Variants in GRIN2A observed in about 807,000 individuals in gnomAD.
The protein encoded by GRIN2A is glutamate receptor ionotropic, NMDA 2A.
A neutral mutation model predicts 113.4 loss-of-function variants in GRIN2A; 22 were observed. The ratio of observed to expected loss-of-function variants is 0.19; its 90% CI spans 0.14 to 0.28. The LOEUF is 0.28. Ranked by LOEUF, GRIN2A falls within the 10% of genes least tolerant of loss-of-function variation. The pLI is 1.00. For synonymous variants in GRIN2A, 827 were observed against 738.4 expected (o/e 1.12, Z -1.94); for missense variants, 1,502 against 1,887.0 (o/e 0.80, Z 3.78).
intron 4 of GRIN2A, among the ~76,000 whole-genome samples, chr16:9,867,811 C>T (rs776470921): frequency 5.7e-4 from 87 of 152,126 alleles, no homozygotes; most frequent in Non-Finnish European, 3.7e-4. Context: ...CTCTTGCCCC[C>T]AGAACATCCA....
At chr16:10,143,443 A>G (rs1352563789) in intron 2 of GRIN2A, among the ~76,000 whole-genome samples, 1 of 152,214 alleles carries the variant, frequency 6.6e-6, no homozygotes, top group East Asian at 1.9e-4. Context: ...ATTGCTTGAA[A>G]TGAAGCTTAA....
chr16:9,993,550 C>T (rs1408240254), intron 2 of GRIN2A, among the ~76,000 whole-genome samples: 2 of 152,192 alleles, frequency 1.3e-5, no homozygotes, highest in East Asian at 1.9e-4. Context: ...GAAGTGAGAA[C>T]CCATCACTAA....
At chr16:9,942,607 G>A (rs544330604) in intron 2 of GRIN2A, among the ~76,000 whole-genome samples, 2 of 152,156 alleles carry the variant, frequency 1.3e-5, no homozygotes, top group East Asian at 3.9e-4. Flanking sequence ...AGAAACCTAA[G>A]AGGGTCCTCA....
At chr16:10,080,949 C>T (rs1392068349) in intron 2 of GRIN2A, among the ~76,000 whole-genome samples, 2 of 152,162 alleles carry the variant, frequency 1.3e-5, no homozygotes, top group Non-Finnish European at 2.9e-5. Context: ...TCTTCGCCTC[C>T]CTGTTAGACT....
chr16:9,961,210 C>A (rs1444163285), intron 2 of GRIN2A, among the ~76,000 whole-genome samples: 2 of 152,112 alleles, frequency 1.3e-5, no homozygotes, highest in African/African-American at 4.8e-5. Context: ...AAGCTGTGGT[C>A]CCGGAGGAAG....
At chr16:10,109,014 T>TAA (rs56946708) in intron 2 of GRIN2A, among the ~76,000 whole-genome samples, 195 of 114,020 alleles carry the variant, frequency 1.7e-3, no homozygotes, top group African/African-American at 7.5e-3. Flanking sequence ...TGATTCTCTT[T>TAA]AAAAAAAAAA....
intron 3 of GRIN2A, among the ~76,000 whole-genome samples, chr16:9,906,000 T>C (rs1361176525): frequency 1.3e-5 from 2 of 152,324 alleles, no homozygotes; most frequent in East Asian, 3.9e-4. Context: ...TCTCCTTCAT[T>C]ACCTTTTAAT....
intron 4 of GRIN2A, among the ~76,000 whole-genome samples, chr16:9,888,245 G>A (rs1476981586): frequency 6.6e-6 from 1 of 152,110 alleles, no homozygotes; most frequent in South Asian, 2.1e-4. Context: ...AAGAGGGCTG[G>A]GCACAGTGGC....
At chr16:10,103,547 G>A (rs2048439718) in intron 2 of GRIN2A, among the ~76,000 whole-genome samples, 1 of 152,080 alleles carries the variant, frequency 6.6e-6, no homozygotes, top group Admixed American at 6.6e-5. Flanking sequence ...GAGTGTTTTG[G>A]GGGTACAGGG....
At chr16:10,017,799 A>G (rs2046638692) in intron 2 of GRIN2A, among the ~76,000 whole-genome samples, 1 of 150,744 alleles carries the variant, frequency 6.6e-6, no homozygotes, top group South Asian at 2.1e-4. Context: ...TGATATTTTT[A>G]CAAATAAAAA....
intron 2 of GRIN2A, among the ~76,000 whole-genome samples, chr16:10,123,282 T>C (rs754970246): frequency 2.0e-5 from 3 of 152,216 alleles, no homozygotes; most frequent in Non-Finnish European, 2.9e-5. Flanking sequence ...CGGGGCTCCC[T>C]GCGTACTTAG....
chr16:9,925,637 G>A (rs2044449642), intron 3 of GRIN2A, among the ~76,000 whole-genome samples: 1 of 152,068 alleles, frequency 6.6e-6, no homozygotes, highest in Admixed American at 6.5e-5. Flanking sequence ...AATAAAATGT[G>A]GTAAACTCAC....
chr16:9,754,359 A>G lies in GRIN2A; in HGVS notation c.*8790T>C. 9.6e-6 allele frequency: 2 copies of G among 208,596 alleles called. No homozygotes were observed. Among genetic ancestry groups the G allele is most frequent in the East Asian group, 7.3e-5 (1 of 13,776 alleles). The allele number at this position is 208,596 out of a possible 1,614,324, so 12.9% of individuals were successfully genotyped here. Reference sequence around the variant, plus strand: ...GAAGGCATCTGAGCCACATCTAACTATGTCACTGCTGTGTCAAGCAGTTTT... The same window carrying G: ...GAAGGCATCTGAGCCACATCTAACTGTGTCACTGCTGTGTCAAGCAGTTTT... On this transcript the variant is annotated 3_prime_UTR_variant, in exon 13 of 13. Coordinates refer to ENST00000330684, the MANE Select transcript of GRIN2A (RefSeq NM_001134407.3).
At chr16:10,136,565 CT>C (rs1423536012) in intron 2 of GRIN2A, among the ~76,000 whole-genome samples, 1 of 144,530 alleles carries the variant, frequency 6.9e-6, no homozygotes, top group Non-Finnish European at 1.5e-5. Context: ...AATAAACTAT[CT>C]CATTAAAAAA....
intron 10 of GRIN2A, among the ~76,000 whole-genome samples, chr16:9,818,590 G>C (rs567857103): frequency 7.3e-5 from 11 of 151,284 alleles, no homozygotes; most frequent in African/African-American, 2.2e-4. Context: ...AAATTAATAA[G>C]AAAAAGACCA....
chr16:9,842,788 T>G (rs1427981180), intron 5 of GRIN2A, among the ~76,000 whole-genome samples: 1 of 151,922 alleles, frequency 6.6e-6, no homozygotes, highest in Non-Finnish European at 1.5e-5. Flanking sequence ...AATACAAAAA[T>G]GAGCTGGGCA....
At chr16:10,009,347 GAC>G (rs1223105782) in intron 2 of GRIN2A, among the ~76,000 whole-genome samples, 1 of 152,142 alleles carries the variant, frequency 6.6e-6, no homozygotes, top group East Asian at 1.9e-4. Flanking sequence ...CAATAGAGTT[GAC>G]ACACAGAGAG....
At chr16:10,146,067 A>C (rs1351309605) in intron 2 of GRIN2A, among the ~76,000 whole-genome samples, 1 of 152,220 alleles carries the variant, frequency 6.6e-6, no homozygotes, top group East Asian at 1.9e-4. Context: ...CACAAATAAA[A>C]GGAAGACAGG....
intron 10 of GRIN2A, among the ~76,000 whole-genome samples, chr16:9,799,680 C>T (rs1567306320): frequency 6.6e-6 from 1 of 152,160 alleles, no homozygotes; most frequent in Non-Finnish European, 1.5e-5. Context: ...GTTATTATGC[C>T]ACACAAACTA....
Sources: gnomAD v4.1 joint callset for allele counts (sites outside exome capture counted in the v4.1 genomes callset) on GRCh38, gnomAD v4.1.1 for gene constraint, MANE v1.5 for transcripts, NCBI Gene and HGNC (gene_info 2026-07-23, HGNC 2026-07-21) for gene names.